The following F13A1 variants were observed in gnomAD, a reference collection of about 807,000 sequenced individuals.
F13A1 encodes coagulation factor XIII A chain, also known as FSF, A subunit.
Under a neutral mutation model 80.1 loss-of-function variants are expected in F13A1, and 47 were observed. The ratio of observed to expected loss-of-function variants is 0.59; its 90% confidence interval spans 0.46 to 0.75. The LOEUF (loss-of-function observed/expected upper bound fraction) is 0.75. Among genes scored for constraint, F13A1 ranks in the 30% least tolerant of loss-of-function variants. The probability of loss-of-function intolerance (pLI) is 0.00; values close to 1 mark genes in which losing one functional copy is unlikely to be tolerated. For synonymous variants in F13A1, 349 were observed against 344.9 expected (o/e 1.01, Z -0.13); for missense variants, 817 against 930.4 (o/e 0.88, Z 1.59).
intron 8 of F13A1, among the ~76,000 whole-genome samples, chr6:6,212,597 C>A (rs1322146814): frequency 1.3e-5 from 2 of 152,160 alleles, no homozygotes; most frequent in Non-Finnish European, 2.9e-5. Context: ...AGCAGAAAAA[C>A]TGGAAACTCT....
chr6:6,181,771 G>A (rs923989026), intron 11 of F13A1, among the ~76,000 whole-genome samples: 8 of 152,152 alleles, frequency 5.3e-5, no homozygotes, highest in African/African-American at 1.4e-4. Flanking sequence ...TACAAGCCAC[G>A]TGAATGAGAA....
chr6:6,294,830 G>T (rs1176051124), intron 3 of F13A1, among the ~76,000 whole-genome samples: 1 of 150,284 alleles, frequency 6.7e-6, no homozygotes, highest in African/African-American at 2.5e-5. Context: ...TGCCATGGTG[G>T]TGCGCTGCAC....
chr6:6,160,461 T>A (rs1760553674), intron 13 of F13A1, among the ~76,000 whole-genome samples: 1 of 151,890 alleles, frequency 6.6e-6, no homozygotes, highest in Non-Finnish European at 1.5e-5. Context: ...CTCAACTTCC[T>A]GAGTAGCTGG....
chr6:6,170,376 C>G (rs552155759), intron 12 of F13A1, among the ~76,000 whole-genome samples: 2 of 151,540 alleles, frequency 1.3e-5, no homozygotes, highest in African/African-American at 2.4e-5. Flanking sequence ...CTAAAGAAAC[C>G]AGGCTGTGCT....
chr6:6,206,549 T>A (rs1333328014), intron 8 of F13A1: 1 of 496,552 alleles, frequency 2.0e-6, no homozygotes, highest in Admixed American at 2.2e-5. Flanking sequence ...TTGAGTGGAA[T>A]GAGGGCTTCA....
At chr6:6,297,882 T>C (rs1269825310) in intron 3 of F13A1, among the ~76,000 whole-genome samples, 4 of 150,212 alleles carry the variant, frequency 2.7e-5, no homozygotes, top group African/African-American at 1.0e-4. Flanking sequence ...CTTGTGGGCA[T>C]TTAGTGCTAT....
rs1760999926 is a variant in F13A1 at position 6,182,153 on chromosome 6, A to G, written c.1306-12T>C. 1.2e-6 allele frequency: 2 copies of G among 1,613,696 alleles called. No individual in the cohort carries two copies. The highest frequency in any genetic ancestry group is 1.7e-6 in the Non-Finnish European group (2 of 1,180,006). Reference sequence around the variant, plus strand: ...AGGTCGCTGTTGACCTGGAAACAGGAGAGGAGAGCATTAGCCATCATCACA... The same window carrying G: ...AGGTCGCTGTTGACCTGGAAACAGGGGAGGAGAGCATTAGCCATCATCACA... On this transcript the variant is annotated splice_polypyrimidine_tract_variant and intron_variant, in intron 10 of 14. Transcript: ENST00000264870.
intron 3 of F13A1, among the ~76,000 whole-genome samples, chr6:6,269,919 A>G (rs58947791): frequency 0.093 from 14,209 of 152,028 alleles, 890 homozygotes; most frequent in South Asian, 0.26. Context: ...TCACCTTGTT[A>G]GCCAGGATGG....
chr6:6,259,961 A>C (rs2113115089), intron 4 of F13A1, among the ~76,000 whole-genome samples: 2 of 152,336 alleles, frequency 1.3e-5, no homozygotes, highest in African/African-American at 4.8e-5. Context: ...ACCAAACTGG[A>C]ACATTCTATA....
Position 6,248,315 on chromosome 6 carries a change from T to G in F13A1, c.795A>C (p.Ala265=). Residue 265 remains alanine (A), a synonymous_variant, in exon 6 of 15, where the codon GCA becomes GCC. Coordinates refer to ENST00000264870, the MANE Select transcript of F13A1 (RefSeq NM_000129.4). The stretch of plus-strand genomic sequence containing the variant: ...GGTATCAGTAATTGCTGCTTACCAT[T>G]GCAGACCCCACACGGCTGACTTTGA... ...NPIKVSRVGS[A]MVNAKDDEGV... 3.7e-6 allele frequency: 6 copies of G among 1,613,576 alleles called. No individual in the cohort carries two copies. Among genetic ancestry groups the G allele is most frequent in the Non-Finnish European group, 5.1e-6 (6 of 1,179,618 alleles).
intron 13 of F13A1, among the ~76,000 whole-genome samples, chr6:6,152,974 T>C (rs987907335): frequency 3.9e-5 from 6 of 152,232 alleles, no homozygotes; most frequent in Non-Finnish European, 7.3e-5. Context: ...GGCAAACATA[T>C]TGCAAGGCAC....
chr6:6,278,928 C>G (rs1758025129), intron 3 of F13A1, among the ~76,000 whole-genome samples: 1 of 152,168 alleles, frequency 6.6e-6, no homozygotes, highest in Non-Finnish European at 1.5e-5. Flanking sequence ...GGAGAGCAAT[C>G]AGGATTGCTA....
intron 3 of F13A1, among the ~76,000 whole-genome samples, chr6:6,273,802 T>C (rs1398344281): frequency 6.6e-6 from 1 of 152,116 alleles, no homozygotes. Context: ...GTGCTAACAG[T>C]CTTAGGATGG....
At chr6:6,154,038 G>A (rs1760430293) in intron 13 of F13A1, among the ~76,000 whole-genome samples, 2 of 151,662 alleles carry the variant, frequency 1.3e-5, no homozygotes, top group South Asian at 4.2e-4. Context: ...TGTCTAACTG[G>A]AGATCTTGAA....
In F13A1 at chr6:6,145,773, C is replaced by T. The variant is rs754375718; in HGVS notation, c.2046-1G>A. The stretch of plus-strand genomic sequence containing the variant: ...CACGGTGGAGTTGGGCCGGATTTCA[C>T]TGAAAGGATGGAAAAGAGAGGAGAG... On this transcript the variant is annotated splice_acceptor_variant, in intron 14 of 14. Coordinates refer to ENST00000264870, the MANE Select transcript of F13A1 (RefSeq NM_000129.4). LOFTEE classifies it high-confidence loss of function. The T allele has an allele frequency of 6.2e-7, 1 of 1,614,030 alleles. No individual in the cohort carries two copies. The highest frequency in any genetic ancestry group is 8.5e-7 in the Non-Finnish European group (1 of 1,179,948).
chr6:6,211,525 C>T (rs1761608931), intron 8 of F13A1, among the ~76,000 whole-genome samples: 1 of 150,198 alleles, frequency 6.7e-6, no homozygotes, highest in Non-Finnish European at 1.5e-5. Flanking sequence ...TTCTTCTCTA[C>T]TATTTTACTT....
chr6:6,194,134 C>T (rs901520620), intron 10 of F13A1, among the ~76,000 whole-genome samples: 100 of 152,218 alleles, frequency 6.6e-4, no homozygotes, highest in African/African-American at 2.3e-3. Flanking sequence ...ATGACCAGCC[C>T]TCTAGATGTT....
At chr6:6,170,767 G>A (rs1760758144) in intron 12 of F13A1, among the ~76,000 whole-genome samples, 2 of 152,098 alleles carry the variant, frequency 1.3e-5, no homozygotes, top group Admixed American at 6.5e-5. Context: ...TACTTGGAAA[G>A]CTTTCTTTGC....
At chr6:6,297,795 G>C (rs1403636148) in intron 3 of F13A1, among the ~76,000 whole-genome samples, 5 of 149,582 alleles carry the variant, frequency 3.3e-5, no homozygotes, top group Non-Finnish European at 7.4e-5. Flanking sequence ...GCTAGCTTTT[G>C]AATGTGTTTG....
Sources: allele counts gnomAD v4.1 joint callset (sites outside exome capture counted in the v4.1 genomes callset), GRCh38; gene constraint gnomAD v4.1.1; transcripts MANE v1.5; gene names NCBI Gene and HGNC (gene_info 2026-07-23, HGNC 2026-07-21).